HERC1: variants seen among roughly 807,000 people sequenced by gnomAD.
HERC1 encodes the protein probable E3 ubiquitin-protein ligase HERC1.
Under a neutral mutation model 554.3 loss-of-function variants are expected in HERC1, and 160 were observed. The ratio of observed to expected loss-of-function variants is 0.29; its 90% CI spans 0.25 to 0.33. HERC1 has a LOEUF of 0.33. HERC1 is among the 10% of genes least tolerant of loss of function. The pLI is 1.00. For synonymous variants in HERC1, 2,175 were observed against 2,131.7 expected, an observed-to-expected ratio of 1.02 and a Z score of -0.56; for missense variants, 4,919 against 5,918.5, an observed-to-expected ratio of 0.83 and a Z score of 5.54.
intron 1 of HERC1, among the ~76,000 whole-genome samples, chr15:63,813,998 G>T (rs1188180486): frequency 6.6e-6 from 1 of 152,150 alleles, no homozygotes; most frequent in Non-Finnish European, 1.5e-5. Context: ...GGCAGAGGTT[G>T]CAGTGAGCTG....
intron 43 of HERC1, 139 bp downstream of exon 43, chr15:63,664,331 T>G: frequency 1.5e-6 from 1 of 680,776 alleles, no homozygotes; most frequent in Admixed American, 2.8e-5. Flanking sequence ...GCATAGAAAA[T>G]GATATCCAAA....
Position 63,728,939 on chromosome 15 carries a change from T to A in HERC1, c.3154+297A>T, listed in dbSNP as rs866035513. 0.046 allele frequency among the ~76,000 whole-genome samples: 6,737 copies of A among 145,064 alleles called. 224 individuals carry two copies. The highest frequency in any genetic ancestry group is 0.076 in the Middle Eastern group (21 of 276). On this transcript the variant is annotated intron_variant, in intron 16 of 77. Transcript: ENST00000443617. ...AGAAAGGTAAAGAAAGAGCAGGTTTTAAAAAAAAAAAAAAAGAGCAGATTA... is the reference window on the plus strand; with the variant it reads ...AGAAAGGTAAAGAAAGAGCAGGTTTAAAAAAAAAAAAAAAAGAGCAGATTA...
intron 1 of HERC1, among the ~76,000 whole-genome samples, chr15:63,811,291 A>G (rs1174602409): frequency 6.6e-6 from 1 of 152,216 alleles, no homozygotes; most frequent in African/African-American, 2.4e-5. Context: ...CTGGGAGAGG[A>G]CAGGGAGGAT....
intron 41 of HERC1, 84 bp from the exon 42 acceptor site, chr15:63,666,234 T>C: frequency 7.2e-7 from 1 of 1,393,472 alleles, no homozygotes. Flanking sequence ...TATGATGCTC[T>C]TGTAACAAAA....
intron 12 of HERC1, among the ~76,000 whole-genome samples, chr15:63,740,704 G>A (rs781264004): frequency 1.3e-5 from 2 of 152,066 alleles, no homozygotes; most frequent in South Asian, 2.1e-4. Context: ...TGTGTTTACT[G>A]GCTATTTTTT....
chr15:63,720,258 C>G (rs1489749435), intron 19 of HERC1, among the ~76,000 whole-genome samples: 1 of 151,748 alleles, frequency 6.6e-6, no homozygotes, highest in African/African-American at 2.4e-5. Context: ...CATGAGCTAC[C>G]ACACTCGGCC....
At chr15:63,742,158 C>T (rs1212767478) in intron 12 of HERC1, among the ~76,000 whole-genome samples, 1 of 152,156 alleles carries the variant, frequency 6.6e-6, no homozygotes, top group Non-Finnish European at 1.5e-5. Flanking sequence ...TCTTTAATTT[C>T]TTTCAATAAT....
In HERC1 at chr15:63,672,491, T is replaced by G; in HGVS notation, c.8045+5A>C. 6.3e-7 allele frequency: 1 copy of G among 1,579,466 alleles called. No individual in the cohort carries two copies. The highest frequency in any genetic ancestry group is 8.6e-7 in the Non-Finnish European group (1 of 1,161,838). ...ATGGCAGACATTAAAGGTCAACTTCTCTACCTGAGAAGACTAAGAGGCATC... is the reference window on the plus strand; with the variant it reads ...ATGGCAGACATTAAAGGTCAACTTCGCTACCTGAGAAGACTAAGAGGCATC... On this transcript the variant is annotated splice_donor_5th_base_variant and intron_variant, in intron 39 of 77. Transcript: ENST00000443617.
intron 1 of HERC1, among the ~76,000 whole-genome samples, chr15:63,789,280 C>CG (rs1388653248): frequency 1.3e-5 from 2 of 149,054 alleles, no homozygotes; most frequent in Admixed American, 6.7e-5. Context: ...TTAGTAGAGA[C>CG]GGGGTTTCAC....
Position 63,698,740 on chromosome 15 carries a change from C to G in HERC1, c.4893G>C (p.Gln1631His), listed in dbSNP as rs1222982368. 2 of 1,613,334 alleles carry G rather than the reference C, an allele frequency of 1.2e-6. No individual in the cohort carries two copies. Among genetic ancestry groups the G allele is most frequent in the Non-Finnish European group, 8.5e-7 (1 of 1,179,566 alleles). The change falls in exon 26 of 78, where the codon CAG becomes CAC. Residue 1631 changes from glutamine to histidine, a missense_variant. Coordinates refer to ENST00000443617, the MANE Select transcript of HERC1 (RefSeq NM_003922.4). ...QASIIAMEQQQLRAELRLEAL... is the reference protein window; with the variant it reads ...QASIIAMEQQHLRAELRLEAL... ...ATCAAAGACTTACTTCTGCCCTTAA[C>G]TGCTGCTGTTCCATTGCAATGATGG...
At chr15:63,622,989 G>A (rs1242187862) in intron 73 of HERC1, 98 bp from the exon 74 acceptor site, 2 of 684,428 alleles carry the variant, frequency 2.9e-6, no homozygotes, top group South Asian at 2.1e-5. Flanking sequence ...AATATTTTGA[G>A]GAATTTATAA....
intron 25 of HERC1, among the ~76,000 whole-genome samples, chr15:63,702,932 C>T (rs1181938061): frequency 8.6e-5 from 13 of 151,838 alleles, no homozygotes; most frequent in Admixed American, 6.6e-5. Context: ...GGTGAAACTC[C>T]GTCTCTACTA....
At chr15:63,711,974 G>C (rs987035546) in intron 24 of HERC1, among the ~76,000 whole-genome samples, 4 of 152,198 alleles carry the variant, frequency 2.6e-5, no homozygotes, top group Non-Finnish European at 5.9e-5. Flanking sequence ...CAATCTTCTA[G>C]ATAGTTTTCG....
intron 45 of HERC1, among the ~76,000 whole-genome samples, chr15:63,661,266 C>A (rs1250492435): frequency 6.6e-6 from 1 of 152,204 alleles, no homozygotes; most frequent in East Asian, 1.9e-4. Flanking sequence ...TAAAACAACT[C>A]TTTTAACCAA....
At chr15:63,801,279 C>T (rs1215151887) in intron 1 of HERC1, among the ~76,000 whole-genome samples, 1 of 152,126 alleles carries the variant, frequency 6.6e-6, no homozygotes, top group East Asian at 1.9e-4. Context: ...GGAACTCCCC[C>T]GTTTGTAGGC....
chr15:63,651,700 T>C (rs576529549), intron 52 of HERC1, among the ~76,000 whole-genome samples: 17 of 152,196 alleles, frequency 1.1e-4, no homozygotes, highest in Non-Finnish European at 1.9e-4. Context: ...GCCTAAACTC[T>C]TGGGAATACT....
chr15:63,753,099 C>T lies in HERC1; in HGVS notation c.1775-14G>A. On this transcript the variant is annotated splice_polypyrimidine_tract_variant and intron_variant, in intron 7 of 77. Coordinates refer to ENST00000443617, the MANE Select transcript of HERC1 (RefSeq NM_003922.4). The stretch of plus-strand genomic sequence containing the variant: ...GACCAAGTTTACCTATAAAAACAAA[C>T]ACATTAAACAATTTACTTGTTTTAA... The T allele has an allele frequency of 6.4e-7, 1 of 1,561,318 alleles. No individual in the cohort carries two copies. The highest frequency in any genetic ancestry group is 1.2e-5 in the South Asian group (1 of 83,920).
At chr15:63,771,406 A>T (rs1256554896) in intron 2 of HERC1, among the ~76,000 whole-genome samples, 1 of 151,792 alleles carries the variant, frequency 6.6e-6, no homozygotes, top group Non-Finnish European at 1.5e-5. Flanking sequence ...CTTCCCCAGA[A>T]TAGATCTAGA....
intron 1 of HERC1, among the ~76,000 whole-genome samples, chr15:63,802,513 A>G (rs761144065): frequency 5.9e-5 from 9 of 152,198 alleles, no homozygotes; most frequent in African/African-American, 1.7e-4. Context: ...ATCCTGATCA[A>G]CCAGCTAAAT....
Sources: gnomAD v4.1 joint callset for allele counts (sites outside exome capture counted in the v4.1 genomes callset) on GRCh38, gnomAD v4.1.1 for gene constraint, MANE v1.5 for transcripts, NCBI Gene and HGNC (gene_info 2026-07-23, HGNC 2026-07-21) for gene names.